Variants in ZNF346 observed in about 807,000 individuals in gnomAD.
The protein encoded by ZNF346 is zinc finger protein 346.
A neutral mutation model predicts 33.7 loss-of-function variants in ZNF346; 23 were observed. That is an observed-to-expected ratio of 0.68 (90% CI 0.49 to 0.97). The LOEUF (loss-of-function observed/expected upper bound fraction) is 0.97, where lower values mean the gene tolerates loss of function less well. Ranked by LOEUF, ZNF346 falls within the 50% of genes least tolerant of loss-of-function variation. The probability of loss-of-function intolerance (pLI) is 0.00; values close to 1 mark genes in which losing one functional copy is unlikely to be tolerated. For missense variants in ZNF346, 340 were observed against 371.1 expected (o/e 0.92, Z 0.69); for synonymous variants, 134 against 142.4 (o/e 0.94, Z 0.42).
At chr5:177,043,844 G>A (rs1779693342) in intron 3 of ZNF346, among the ~76,000 whole-genome samples, 1 of 152,064 alleles carries the variant, frequency 6.6e-6, no homozygotes, top group South Asian at 2.1e-4. Context: ...GGGTGTGAAG[G>A]ATAAGAAACA....
rs1032746216 is a variant in ZNF346, at chr5:177,066,331, C to G, written c.*1732C>G. 6.6e-6 allele frequency among the ~76,000 whole-genome samples: 1 copy of G among 151,996 alleles called. No individual in the cohort carries two copies. The highest frequency in any genetic ancestry group is 6.6e-5 in the Admixed American group (1 of 15,254). ...GGAGACAAGGAGGCCAGTATGGACACTGTGTCCAGTATGGCTTTCCAGGCT... is the reference window on the plus strand; with the variant it reads ...GGAGACAAGGAGGCCAGTATGGACAGTGTGTCCAGTATGGCTTTCCAGGCT... On this transcript the variant is annotated 3_prime_UTR_variant, in exon 7 of 7. Coordinates refer to ENST00000358149, the MANE Select transcript of ZNF346 (RefSeq NM_012279.4).
At chr5:177,035,704 C>T (rs1317119345) in intron 1 of ZNF346, among the ~76,000 whole-genome samples, 5 of 144,222 alleles carry the variant, frequency 3.5e-5, no homozygotes, top group Non-Finnish European at 6.0e-5. Context: ...GGCATGATCT[C>T]GGCTCACTGC....
chr5:177,061,011 C>T (rs1782445855), intron 5 of ZNF346, among the ~76,000 whole-genome samples: 3 of 151,988 alleles, frequency 2.0e-5, no homozygotes, highest in Admixed American at 2.0e-4. Context: ...ACTCAGGAGG[C>T]TGAGGGAGGA....
intron 4 of ZNF346, 136 bp from the exon 5 acceptor site, chr5:177,050,615 G>A: frequency 1.2e-6 from 1 of 842,384 alleles, no homozygotes; most frequent in South Asian, 1.5e-5. Context: ...GGATTAACTG[G>A]TGTCACAGCC....
At chr5:177,071,019 T>C (rs1399086594), downstream of ZNF346, among the ~76,000 whole-genome samples, 1 of 152,116 alleles carries the variant, frequency 6.6e-6, no homozygotes, top group Non-Finnish European at 1.5e-5. Flanking sequence ...TGTTTGAATA[T>C]AACAACCCAC....
At chr5:177,048,025 T>TTA (rs1780329049) in intron 4 of ZNF346, among the ~76,000 whole-genome samples, 1 of 152,234 alleles carries the variant, frequency 6.6e-6, no homozygotes, top group Non-Finnish European at 1.5e-5. Context: ...GCATTTTTAG[T>TTA]GACTGCATCG....
intron 1 of ZNF346, among the ~76,000 whole-genome samples, chr5:177,026,207 G>A (rs577481735): frequency 3.9e-5 from 6 of 151,932 alleles, no homozygotes; most frequent in East Asian, 1.9e-4. Context: ...GTTTCACCAC[G>A]TTGGCCAGGC....
rs963990678 is a variant in ZNF346, at chr5:177,041,761, C to T, written c.280-17C>T. ...TAGCATTTGGCTATCTTTGATCTTT[C>T]TCCTGGGTTTTTGCAGAGCAAAAAA... On this transcript the variant is annotated splice_polypyrimidine_tract_variant and intron_variant, in intron 2 of 6. Transcript: ENST00000358149. 4 of 1,559,398 alleles carry T rather than the reference C, an allele frequency of 2.6e-6. No individual in the cohort carries two copies. The highest frequency in any genetic ancestry group is 1.7e-5 in the Admixed American group (1 of 59,432).
At chr5:177,036,682 T>G (rs1446437627) in intron 1 of ZNF346, among the ~76,000 whole-genome samples, 1 of 152,206 alleles carries the variant, frequency 6.6e-6, no homozygotes, top group Non-Finnish European at 1.5e-5. Context: ...CTTTCACTCT[T>G]CCTGCTTACT....
chr5:177,034,352 T>C (rs1369974390), intron 1 of ZNF346, among the ~76,000 whole-genome samples: 1 of 152,018 alleles, frequency 6.6e-6, no homozygotes, highest in East Asian at 1.9e-4. Flanking sequence ...GCCTACCAAG[T>C]AGCTGGGACT....
intron 1 of ZNF346, among the ~76,000 whole-genome samples, chr5:177,028,805 C>T (rs1437725391): frequency 6.8e-6 from 1 of 147,834 alleles, no homozygotes; most frequent in South Asian, 2.2e-4. Context: ...CTGCAAGCTC[C>T]GCCTCCCAGG....
chr5:177,046,336 A>G (rs1267352398), intron 4 of ZNF346, among the ~76,000 whole-genome samples: 1 of 151,388 alleles, frequency 6.6e-6, no homozygotes, highest in East Asian at 1.9e-4. Flanking sequence ...TTATAAGGTC[A>G]CAGACTTCTC....
At chr5:177,073,833 G>GC (rs1322736031) in intron 8 of ZNF346, among the ~76,000 whole-genome samples, 1 of 150,272 alleles carries the variant, frequency 6.7e-6, no homozygotes, top group Non-Finnish European at 1.5e-5. Context: ...GGGGGAGGGG[G>GC]GGGGTCCATT....
In ZNF346 at chr5:177,066,568, G is replaced by T. The variant is rs1480432762; in HGVS notation, c.*1969G>T. ...AGCATTTTTCATGACTCAAAAATGA[G>T]CTGAGAAGGAGTGTTATGGCCAGGT... is the stretch of plus-strand genomic sequence containing the variant. On this transcript the variant is annotated 3_prime_UTR_variant, in exon 7 of 7. Transcript: ENST00000358149. Among the ~76,000 whole-genome samples the T allele has an allele frequency of 6.6e-6, 1 of 152,008 alleles. No homozygotes were observed. The highest frequency in any genetic ancestry group is 2.4e-5 in the African/African-American group (1 of 41,394).
chr5:177,034,672 C>G (rs1778225520), intron 1 of ZNF346, among the ~76,000 whole-genome samples: 1 of 152,200 alleles, frequency 6.6e-6, no homozygotes, highest in African/African-American at 2.4e-5. Flanking sequence ...TTTTACTTGG[C>G]TATCATGTGG....
intron 1 of ZNF346, among the ~76,000 whole-genome samples, chr5:177,024,235 C>CT (rs1776408063): frequency 1.6e-5 from 2 of 127,462 alleles, no homozygotes; most frequent in Admixed American, 1.7e-4. Context: ...GAGTCTCACT[C>CT]TGTCACCCAG....
rs569648047 is a variant in ZNF346 at position 177,023,653 on chromosome 5, T to C, written c.175+740T>C. 3.9e-5 allele frequency among the ~76,000 whole-genome samples: 6 copies of C among 152,226 alleles called. No homozygotes were observed. In the South Asian group the frequency reaches 1.2e-3, roughly 32 times the overall value. ...AGATGGGATGAAAGAAAGAGAAGGA[T>C]GGAAAAGAGCTGTCCTGACCTGCTT... On this transcript the variant is annotated intron_variant, in intron 1 of 6. Coordinates refer to ENST00000358149, the MANE Select transcript of ZNF346 (RefSeq NM_012279.4).
At chr5:177,031,482 C>T (rs1219399660) in intron 1 of ZNF346, among the ~76,000 whole-genome samples, 5 of 152,172 alleles carry the variant, frequency 3.3e-5, no homozygotes, top group Non-Finnish European at 1.5e-5. Flanking sequence ...TGAATTATTT[C>T]ACTGTACATG....
At chr5:177,044,128 C>T (rs1165498588) in intron 3 of ZNF346, among the ~76,000 whole-genome samples, 1 of 151,606 alleles carries the variant, frequency 6.6e-6, no homozygotes, top group African/African-American at 2.4e-5. Flanking sequence ...TAAGCAGACA[C>T]GCTGCCAAGC....
Sources: gnomAD v4.1 joint callset for allele counts (sites outside exome capture counted in the v4.1 genomes callset) on GRCh38, gnomAD v4.1.1 for gene constraint, MANE v1.5 for transcripts, NCBI Gene and HGNC (gene_info 2026-07-23, HGNC 2026-07-21) for gene names.